DOCK1: variants seen among roughly 807,000 people sequenced by gnomAD.
DOCK1 encodes the protein dedicator of cytokinesis protein 1.
In DOCK1, 138 loss-of-function variants were observed where a neutral mutation model predicts 262.7. That is an observed-to-expected ratio of 0.53 (90% CI 0.46 to 0.61). The LOEUF is 0.61. Ranked by LOEUF, DOCK1 falls within the 20% of genes least tolerant of loss-of-function variation. The pLI, the probability that DOCK1 is intolerant of heterozygous loss-of-function variation, is 0.00. For synonymous variants in DOCK1, 866 were observed against 867.4 expected (o/e 1.00, Z 0.03); for missense variants, 1,908 against 2,370.7 (o/e 0.80, Z 4.05).
chr10:127,403,022 G>A lies in DOCK1; in HGVS notation c.3928-33G>A, dbSNP rs1466797202. 3 of 1,577,102 alleles carry A rather than the reference G, an allele frequency of 1.9e-6. No homozygotes were observed. In the East Asian group the frequency reaches 6.8e-5, roughly 36 times the overall value. ...GACTCTTTGCACAATTCAGGCCTCGGCTTCTCTTTCTTTTCTTTATTTTAA... is the reference window on the plus strand; with the variant it reads ...GACTCTTTGCACAATTCAGGCCTCGACTTCTCTTTCTTTTCTTTATTTTAA... On this transcript the variant is annotated intron_variant, in intron 38 of 51. Coordinates refer to ENST00000623213, the MANE Select transcript of DOCK1 (RefSeq NM_001290223.2).
intron 31 of DOCK1, among the ~76,000 whole-genome samples, chr10:127,347,513 G>T (rs542279288): frequency 4.6e-5 from 7 of 152,154 alleles, no homozygotes; most frequent in Non-Finnish European, 8.8e-5. Flanking sequence ...AGGGCATGGC[G>T]CCATCTACAT....
intron 10 of DOCK1, among the ~76,000 whole-genome samples, chr10:127,001,925 A>G (rs566141137): frequency 2.6e-5 from 4 of 152,264 alleles, no homozygotes; most frequent in South Asian, 4.2e-4. Flanking sequence ...CTGTGTGATG[A>G]CAGCTCACTG....
intron 33 of DOCK1, among the ~76,000 whole-genome samples, chr10:127,363,307 C>T (rs947602520): frequency 1.3e-5 from 2 of 152,006 alleles, no homozygotes; most frequent in Non-Finnish European, 2.9e-5. Context: ...CTCAGGAGTT[C>T]GAGACCAGCC....
At chr10:127,053,371 T>C (rs954534352) in intron 22 of DOCK1, among the ~76,000 whole-genome samples, 1 of 152,056 alleles carries the variant, frequency 6.6e-6, no homozygotes. Context: ...AAAACAACAA[T>C]GAAAAGGCAA....
At chr10:127,004,571 C>T (rs970447822) in intron 10 of DOCK1, among the ~76,000 whole-genome samples, 1 of 151,928 alleles carries the variant, frequency 6.6e-6, no homozygotes, top group South Asian at 2.1e-4. Flanking sequence ...CATGGCAAAA[C>T]CTCGTCTCTA....
rs767218682 is a variant in DOCK1, at chr10:127,257,397, C to T, written c.3012C>T (p.Phe1004=). 7.5e-6 allele frequency: 12 copies of T among 1,607,346 alleles called. No homozygotes were observed. The highest frequency in any genetic ancestry group is 3.4e-5 in the South Asian group (3 of 89,438). ...TCATTGGAAAGAACGTTTACCCCTT[C>T]GACTGGGTGATCATGAACATGGTGC... The part of the protein sequence containing the change: ...KNLIGKNVYP[F]DWVIMNMVQN... The change falls in exon 29 of 52, where the codon TTC becomes TTT. Residue 1004 remains phenylalanine (F), a synonymous_variant. Coordinates refer to ENST00000623213, the MANE Select transcript of DOCK1 (RefSeq NM_001290223.2).
rs186552638 is a variant in DOCK1, at chr10:127,240,640, A to C, written c.2848-7368A>C. Among the ~76,000 whole-genome samples, 226 of 152,286 alleles carry C rather than the reference A, an allele frequency of 1.5e-3. 1 individual carries two copies. The highest frequency in any genetic ancestry group is 5.1e-3 in the African/African-American group (212 of 41,568). Reference sequence around the variant, plus strand: ...TTCAATGTATGCGGCACTGCACACTATCCTCTGTCCTCATTTTACAACATC... The same window carrying C: ...TTCAATGTATGCGGCACTGCACACTCTCCTCTGTCCTCATTTTACAACATC... On this transcript the variant is annotated intron_variant, in intron 27 of 51. Transcript: ENST00000623213.
chr10:127,152,473 C>T (rs2052598861), intron 27 of DOCK1, among the ~76,000 whole-genome samples: 1 of 152,224 alleles, frequency 6.6e-6, no homozygotes, highest in Non-Finnish European at 1.5e-5. Flanking sequence ...GCAGGGGCCC[C>T]TCCTCCCTTC....
At position 126,952,701 on chromosome 10, in the gene DOCK1, TGTG is replaced by T. The variant is rs1267898823; in HGVS notation, c.47-17998_47-17996del. ...TTGTTGTTGGTAGTATTGTTGGTGA[TGTG>T]GTAGTATTGTTGGTAGTGTTGGTGA... On this transcript the variant is annotated intron_variant, in intron 1 of 51. Coordinates refer to ENST00000623213, the MANE Select transcript of DOCK1 (RefSeq NM_001290223.2). Among the ~76,000 whole-genome samples the T allele has an allele frequency of 1.1e-4, 16 of 151,432 alleles. No individual in the cohort carries two copies. In the East Asian group the frequency reaches 2.4e-3, roughly 22 times the overall value.
intron 31 of DOCK1, among the ~76,000 whole-genome samples, chr10:127,345,037 T>C (rs2063571572): frequency 1.3e-5 from 2 of 152,188 alleles, no homozygotes; most frequent in African/African-American, 4.8e-5. Flanking sequence ...TACAAACATG[T>C]TGTACGGGTT....
intron 26 of DOCK1, 138 bp downstream of exon 26, chr10:127,125,739 A>C: frequency 3.3e-6 from 4 of 1,229,360 alleles, no homozygotes; most frequent in Non-Finnish European, 3.2e-6. Context: ...GTAGAGTTGC[A>C]CCCTTAAATT....
At chr10:126,977,122 T>C (rs1349664313) in intron 2 of DOCK1, among the ~76,000 whole-genome samples, 4 of 152,172 alleles carry the variant, frequency 2.6e-5, no homozygotes, top group Admixed American at 1.3e-4. Flanking sequence ...CCATCTGAAC[T>C]CACAAATGGT....
rs375188906 is a variant in DOCK1 at position 127,451,428 on chromosome 10, C to T, written c.*1C>T. The T allele has an allele frequency of 2.6e-4, 407 of 1,572,806 alleles. 1 individual carries two copies. The African/African-American group carries it at 5.0e-3, about 19-fold the overall frequency. ...GGTGGACTCCGGGATCGTGCAGTGA[C>T]GTCGCAAGCCTCTCTGGAAAGAGTG... On this transcript the variant is annotated 3_prime_UTR_variant, in exon 52 of 52. Transcript: ENST00000623213.
chr10:127,321,155 G>T (rs1278919779), intron 29 of DOCK1, among the ~76,000 whole-genome samples: 4 of 151,802 alleles, frequency 2.6e-5, no homozygotes, highest in Non-Finnish European at 5.9e-5. Context: ...CGCGTCTTGC[G>T]CTGTTTCCCT....
At chr10:127,448,874 G>T (rs1306687125) in intron 51 of DOCK1, among the ~76,000 whole-genome samples, 3 of 150,352 alleles carry the variant, frequency 2.0e-5, no homozygotes, top group Non-Finnish European at 4.4e-5. Flanking sequence ...TTTTTTAATG[G>T]AGACTCGTTG....
At chr10:127,042,870 C>A in intron 20 of DOCK1, among the ~76,000 whole-genome samples, 156 bp downstream of exon 20, 1 of 151,940 alleles carries the variant, frequency 6.6e-6, no homozygotes, top group East Asian at 1.9e-4. Flanking sequence ...GATTTTTTTT[C>A]TCTTTTTTTT....
At chr10:127,208,138 A>G (rs2057806432) in intron 27 of DOCK1, among the ~76,000 whole-genome samples, 1 of 152,232 alleles carries the variant, frequency 6.6e-6, no homozygotes, top group Non-Finnish European at 1.5e-5. Flanking sequence ...AGTTCCATAC[A>G]AACAATTGGG....
chr10:126,965,841 T>G (rs1038849173), intron 1 of DOCK1, among the ~76,000 whole-genome samples: 5 of 152,180 alleles, frequency 3.3e-5, no homozygotes, highest in African/African-American at 1.2e-4. Context: ...ATTAGGGTAA[T>G]TAGCATGTCT....
At chr10:127,197,391 A>G (rs1396912277) in intron 27 of DOCK1, among the ~76,000 whole-genome samples, 4 of 151,908 alleles carry the variant, frequency 2.6e-5, no homozygotes, top group Non-Finnish European at 5.9e-5. Context: ...CCCACCCACC[A>G]AAGAGTATTG....
Sources: gnomAD v4.1 joint callset for allele counts (sites outside exome capture counted in the v4.1 genomes callset) on GRCh38, gnomAD v4.1.1 for gene constraint, MANE v1.5 for transcripts, NCBI Gene and HGNC (gene_info 2026-07-23, HGNC 2026-07-21) for gene names.